The following ADAMTS9 variants were observed in gnomAD, a reference collection of about 807,000 sequenced individuals.
The protein encoded by ADAMTS9 is ADAM metallopeptidase with thrombospondin type 1 motif 9, also known as A disintegrin and metalloproteinase with thrombospondin motifs 9.
In ADAMTS9, 107 loss-of-function variants were observed where a neutral mutation model predicts 257.1. That is an observed-to-expected ratio of 0.42 (90% CI 0.36 to 0.49). The LOEUF (loss-of-function observed/expected upper bound fraction) is 0.49, where lower values mean the gene tolerates loss of function less well. Ranked by LOEUF, ADAMTS9 falls within the 20% of genes least tolerant of loss-of-function variation. The probability of loss-of-function intolerance (pLI) is 0.03; values close to 1 mark genes in which losing one functional copy is unlikely to be tolerated. For missense variants in ADAMTS9, 2,353 were observed against 2,469.1 expected (o/e 0.95, Z 1.00); for synonymous variants, 982 against 880.9 (o/e 1.11, Z -2.03).
intron 11 of ADAMTS9, among the ~76,000 whole-genome samples, chr3:64,644,154 G>T (rs1471938127): frequency 4.6e-5 from 7 of 152,196 alleles, no homozygotes; most frequent in Non-Finnish European, 8.8e-5. Context: ...TGGCAAACAT[G>T]TACACTGCAC....
At chr3:64,561,208 T>C (rs927117914) in intron 30 of ADAMTS9, 4 of 167,520 alleles carry the variant, frequency 2.4e-5, no homozygotes, top group Non-Finnish European at 3.8e-5. Flanking sequence ...CCTGCGGCTA[T>C]TTAAACAGAT....
At chr3:64,611,840 A>T (rs1200776960) in intron 22 of ADAMTS9, among the ~76,000 whole-genome samples, 1 of 152,098 alleles carries the variant, frequency 6.6e-6, no homozygotes. Context: ...TAATGTATAC[A>T]AGGTTTCCTT....
At chr3:64,617,894 C>A (rs1283988257) in intron 19 of ADAMTS9, among the ~76,000 whole-genome samples, 1 of 152,158 alleles carries the variant, frequency 6.6e-6, no homozygotes, top group Non-Finnish European at 1.5e-5. Context: ...TTTGACCAAT[C>A]AGTAACAATC....
At chr3:64,633,444 A>G in intron 14 of ADAMTS9, 28 bp downstream of exon 14, 1 of 1,612,570 alleles carries the variant, frequency 6.2e-7, no homozygotes, top group South Asian at 1.1e-5. Context: ...GGGAAAACAC[A>G]GTGAAGAAAA....
At position 64,686,603 on chromosome 3, in the gene ADAMTS9, C is replaced by T; in HGVS notation, c.481G>A (p.Glu161Lys). The change falls in exon 2 of 40, where the codon GAG becomes AAG. Residue 161 changes from glutamate to lysine, a missense_variant. Glu to Lys is a moderately conservative substitution (Grantham distance 56). This residue lies in a region of ADAMTS9 where 591 missense variants were observed against 569.6 expected (regional missense o/e 1.04). Transcript: ENST00000498707. The surrounding 1 kb of genome is among the most constrained non-coding windows in gnomAD (Gnocchi z 4.6). ...CAGAGGCTGATGACGGCCGTGTGCT[C>T]GGAGTTGGTATTGACATAGCCTTTG... ...FYKGYVNTNS[E>K]HTAVISLCSG... 2 of 1,613,196 alleles carry T rather than the reference C, an allele frequency of 1.2e-6. No homozygotes were observed. Among genetic ancestry groups the T allele is most frequent in the Non-Finnish European group, 1.7e-6 (2 of 1,179,680 alleles).
chr3:64,655,079 C>T lies in ADAMTS9; in HGVS notation c.1170-467G>A, dbSNP rs35158483. Among the ~76,000 whole-genome samples the T allele has an allele frequency of 5.8e-3, 882 of 152,292 alleles. 3 individuals are homozygous for T. The highest frequency in any genetic ancestry group is 9.1e-3 in the Non-Finnish European group (616 of 68,020). ...TTTTAACATTTTGAGATAGTAGCTACCATAGAAAACTTGGGAGGTTTCACA... is the reference window on the plus strand; with the variant it reads ...TTTTAACATTTTGAGATAGTAGCTATCATAGAAAACTTGGGAGGTTTCACA... On this transcript the variant is annotated intron_variant, in intron 6 of 39. Transcript: ENST00000498707.
intron 28 of ADAMTS9, among the ~76,000 whole-genome samples, chr3:64,590,979 T>G (rs1218321308): frequency 6.6e-6 from 1 of 152,176 alleles, no homozygotes; most frequent in Non-Finnish European, 1.5e-5. Context: ...CTAGATGAAT[T>G]AGCTTTCTCT....
At position 64,687,101 on chromosome 3, in the gene ADAMTS9, T is replaced by A; in HGVS notation, c.116-133A>T. The A allele has an allele frequency of 9.1e-7, 1 of 1,093,618 alleles. No individual in the cohort carries two copies. The allele number at this position is 1,093,618 out of a possible 1,614,324, so 67.7% of individuals were successfully genotyped here. A position where few individuals can be genotyped will look rare whatever the true frequency, so the allele number is the denominator to read the frequency against. On this transcript the variant is annotated intron_variant, in intron 1 of 39. Transcript: ENST00000498707. The surrounding 1 kb of genome is among the most constrained non-coding windows in gnomAD (Gnocchi z 4.4). ...AGTCAATCCCTTCACCCTTAATCAG[T>A]GGACAAATATTTGCTGAGCACCTAC...
At position 64,553,947 on chromosome 3, in the gene ADAMTS9, AAAAAG is replaced by A. The variant is rs144320194; in HGVS notation, c.4699-2890_4699-2886del. Among the ~76,000 whole-genome samples the A allele has an allele frequency of 7.3e-3, 1,113 of 152,244 alleles. 38 individuals are homozygous for A. The South Asian group carries it at 0.11, about 15-fold the overall frequency. ...TGAGATAGAGGGCCACCGAATGTTA[AAAAAG>A]AAAAGAAAAGAAAAATTTAATCTGT... is the stretch of plus-strand genomic sequence containing the variant. On this transcript the variant is annotated intron_variant, in intron 30 of 39. Transcript: ENST00000498707.
chr3:64,546,759 C>G lies in ADAMTS9; in HGVS notation c.5063G>C (p.Ser1688Thr). 6.3e-7 allele frequency: 1 copy of G among 1,596,962 alleles called. No individual in the cohort carries two copies. Among genetic ancestry groups the G allele is most frequent in the East Asian group, 2.2e-5 (1 of 44,778 alleles). The part of the protein sequence containing the change: ...SATWRVGNWG[S>T]CSVSCGVGVM... ...TTGAGTGCTCAGTCTTCTACTTACG[C>G]TCCCCCAGTTGCCAACTCTCCAGGT... The change falls in exon 32 of 40, where the codon AGC becomes ACC. Residue 1688 changes from serine (S) to threonine (T), a missense_variant and splice_region_variant. By Grantham distance (58) the Ser-to-Thr change is moderately conservative. This residue lies in a region of ADAMTS9 where 1,402 missense variants were observed against 1,441.4 expected (regional missense o/e 0.97). Coordinates refer to ENST00000498707, the MANE Select transcript of ADAMTS9 (RefSeq NM_182920.2).
intron 22 of ADAMTS9, among the ~76,000 whole-genome samples, chr3:64,610,288 A>G (rs948365511): frequency 6.6e-6 from 1 of 152,244 alleles, no homozygotes; most frequent in African/African-American, 2.4e-5. Flanking sequence ...TTGTGCATTA[A>G]AGGACACTAT....
chr3:64,574,639 A>G lies in ADAMTS9; in HGVS notation c.4357-6104T>C, dbSNP rs138248408. On this transcript the variant is annotated intron_variant, in intron 28 of 39. Coordinates refer to ENST00000498707, the MANE Select transcript of ADAMTS9 (RefSeq NM_182920.2). ...TTCCAACTGCTTGGGCAACTGAGTT[A>G]GGAGCATTGATTGAGCCTAGGGGTT... Among the ~76,000 whole-genome samples, 343 of 151,450 alleles carry G rather than the reference A, an allele frequency of 2.3e-3. 2 individuals are homozygous for G. The highest frequency in any genetic ancestry group is 5.5e-3 in the Admixed American group (83 of 15,226).
chr3:64,526,530 C>A (rs905969013), intron 38 of ADAMTS9, among the ~76,000 whole-genome samples: 1 of 152,152 alleles, frequency 6.6e-6, no homozygotes, highest in African/African-American at 2.4e-5. Context: ...GAATTTGATG[C>A]CAGACTAACT....
chr3:64,604,313 A>T lies in ADAMTS9; in HGVS notation c.3493T>A (p.Cys1165Ser), dbSNP rs746504638. Residue 1165 changes from cysteine to serine, a missense_variant, in exon 24 of 40, where the codon TGT becomes AGT. This residue lies in a region of ADAMTS9 where 1,402 missense variants were observed against 1,441.4 expected (regional missense o/e 0.97). Transcript: ENST00000498707. ...TCCGGGGCAGCTGGGGGAGGATGAC[A>T]TGATGGTAATTCACAGTCCTAGACG... ...TDTQDCELPS[C>S]HPPPAAPETR... 1 of 1,611,718 alleles carries T rather than the reference A, an allele frequency of 6.2e-7. No homozygotes were observed. The highest frequency in any genetic ancestry group is 1.3e-5 in the African/African-American group (1 of 74,642).
intron 2 of ADAMTS9, among the ~76,000 whole-genome samples, chr3:64,682,757 C>A (rs965776382): frequency 2.0e-5 from 3 of 152,210 alleles, no homozygotes. Context: ...GAATCAAAAT[C>A]TCTAGGGGTA....
intron 5 of ADAMTS9, 32 bp from the exon 6 acceptor site, chr3:64,655,723 T>C (rs1701053282): frequency 1.2e-6 from 2 of 1,600,512 alleles, no homozygotes; most frequent in South Asian, 2.2e-5. Context: ...GGTTAATCTG[T>C]TGTACCGATC....
At chr3:64,598,127 T>C (rs1305535001) in intron 26 of ADAMTS9, among the ~76,000 whole-genome samples, 1 of 152,182 alleles carries the variant, frequency 6.6e-6, no homozygotes, top group Admixed American at 6.5e-5. Context: ...GCTGGTCAAA[T>C]TATAAGTGTT....
At chr3:64,654,038 G>A (rs1700996929) in intron 8 of ADAMTS9, among the ~76,000 whole-genome samples, 1 of 152,180 alleles carries the variant, frequency 6.6e-6, no homozygotes, top group African/African-American at 2.4e-5. Flanking sequence ...CTCTGCTTCA[G>A]TAGAAGGAAT....
At chr3:64,524,893 T>G (rs2082891261) in intron 38 of ADAMTS9, among the ~76,000 whole-genome samples, 1 of 152,228 alleles carries the variant, frequency 6.6e-6, no homozygotes, top group Non-Finnish European at 1.5e-5. Context: ...GGCCTTTGCA[T>G]GTGCCATTCT....
Sources: gnomAD v4.1 joint callset for allele counts (sites outside exome capture counted in the v4.1 genomes callset) on GRCh38, gnomAD v4.1.1 for gene constraint, gnomAD v4.1.1 regional missense constraint, Gnocchi (gnomAD v3.1) non-coding constraint, MANE v1.5 for transcripts, NCBI Gene and HGNC (gene_info 2026-07-23, HGNC 2026-07-21) for gene names.